The following GPC5 variants were observed in gnomAD, a reference collection of about 807,000 sequenced individuals.
The protein encoded by GPC5 is glypican 5, also known as glypican-5.
A neutral mutation model predicts 53.9 loss-of-function variants in GPC5; 47 were observed. The ratio of observed to expected loss-of-function variants is 0.87; its 90% confidence interval spans 0.69 to 1.11. GPC5 has a LOEUF of 1.11. Ranked by LOEUF, GPC5 falls within the 50% of genes most tolerant of loss-of-function variation. The pLI is 0.00. For synonymous variants in GPC5, 286 were observed against 263.3 expected (o/e 1.09, Z -0.84); for missense variants, 748 against 713.1 (o/e 1.05, Z -0.56).
chr13:91,465,641 T>A (rs1394318984), intron 2 of GPC5, among the ~76,000 whole-genome samples: 1 of 152,200 alleles, frequency 6.6e-6, no homozygotes, highest in African/African-American at 2.4e-5. Flanking sequence ...TTCCATTTAA[T>A]TGGTGGTTTT....
Position 91,399,067 on chromosome 13 carries a change from C to T in GPC5, c.21C>T (p.Pro7=). The change falls in exon 1 of 8, where the codon CCC becomes CCT. Residue 7 remains proline (P), a synonymous_variant. Coordinates refer to ENST00000377067, the MANE Select transcript of GPC5 (RefSeq NM_004466.6). ...CGAGGATGGACGCACAGACCTGGCC[C>T]GTGGGCTTTCGCTGCCTCCTCCTTC... MDAQTW[P]VGFRCLLLLA... 6.4e-7 allele frequency: 1 copy of T among 1,568,024 alleles called. No individual in the cohort carries two copies. The highest frequency in any genetic ancestry group is 8.6e-7 in the Non-Finnish European group (1 of 1,156,812).
chr13:92,545,576 C>G (rs562236276), intron 7 of GPC5, among the ~76,000 whole-genome samples: 74 of 152,280 alleles, frequency 4.9e-4, no homozygotes, highest in African/African-American at 1.8e-3. Flanking sequence ...TCCTCTCCAG[C>G]ACCTGTTGTT....
intron 2 of GPC5, among the ~76,000 whole-genome samples, chr13:91,602,350 G>T (rs1378080036): frequency 1.3e-5 from 2 of 152,166 alleles, no homozygotes; most frequent in African/African-American, 4.8e-5. Context: ...ATTCATCTTT[G>T]CAAGATAATA....
At chr13:91,781,383 T>C (rs1448750814) in intron 5 of GPC5, among the ~76,000 whole-genome samples, 3 of 152,232 alleles carry the variant, frequency 2.0e-5, no homozygotes, top group Admixed American at 6.5e-5. Flanking sequence ...TTGCATTTTA[T>C]AGAAAAGATG....
intron 7 of GPC5, among the ~76,000 whole-genome samples, chr13:92,516,855 G>A (rs1190343745): frequency 6.6e-6 from 1 of 152,148 alleles, no homozygotes; most frequent in Non-Finnish European, 1.5e-5. Context: ...GCAGCCCACT[G>A]AGTGTGAGCC....
intron 6 of GPC5, among the ~76,000 whole-genome samples, chr13:92,020,444 G>A (rs1311071357): frequency 6.6e-6 from 1 of 151,926 alleles, no homozygotes; most frequent in Non-Finnish European, 1.5e-5. Flanking sequence ...CCAACAGTGT[G>A]CAACAGTTTC....
intron 2 of GPC5, among the ~76,000 whole-genome samples, chr13:91,473,118 T>G (rs1882729664): frequency 6.6e-6 from 1 of 152,122 alleles, no homozygotes; most frequent in Non-Finnish European, 1.5e-5. Flanking sequence ...AAGGAGGAAC[T>G]GTTAAACACT....
At chr13:92,104,231 T>TA (rs2041489752) in intron 6 of GPC5, among the ~76,000 whole-genome samples, 1 of 152,124 alleles carries the variant, frequency 6.6e-6, no homozygotes, top group Non-Finnish European at 1.5e-5. Context: ...TGTGAGTTTT[T>TA]ACTGTGATTT....
At chr13:91,573,372 C>T (rs988542700) in intron 2 of GPC5, among the ~76,000 whole-genome samples, 4 of 152,146 alleles carry the variant, frequency 2.6e-5, no homozygotes, top group African/African-American at 4.8e-5. Flanking sequence ...TGCTGAGAAT[C>T]GATCATTTCT....
chr13:91,863,602 C>T (rs1400308633), intron 5 of GPC5, among the ~76,000 whole-genome samples: 1 of 152,124 alleles, frequency 6.6e-6, no homozygotes, highest in Non-Finnish European at 1.5e-5. Context: ...ATACCATCAA[C>T]TACATAGTTG....
At chr13:92,145,418 A>C (rs9516018) in intron 7 of GPC5, among the ~76,000 whole-genome samples, 17,864 of 152,084 alleles carry the variant, frequency 0.12, 1,169 homozygotes, top group Non-Finnish European at 0.13. Context: ...AATTGCATAG[A>C]AATTGGTATA....
At chr13:92,254,215 A>G (rs2042711508) in intron 7 of GPC5, among the ~76,000 whole-genome samples, 1 of 152,154 alleles carries the variant, frequency 6.6e-6, no homozygotes, top group Non-Finnish European at 1.5e-5. Context: ...TGGAAGCCAA[A>G]GAGCATGGGA....
chr13:91,689,531 A>G (rs988824623), intron 2 of GPC5, among the ~76,000 whole-genome samples: 2 of 151,324 alleles, frequency 1.3e-5, no homozygotes, highest in Non-Finnish European at 2.9e-5. Context: ...TTTTTGTAGT[A>G]ACATTTAGCT....
At chr13:92,418,407 T>G (rs1876412532) in intron 7 of GPC5, among the ~76,000 whole-genome samples, 1 of 152,158 alleles carries the variant, frequency 6.6e-6, no homozygotes, top group African/African-American at 2.4e-5. Flanking sequence ...TGAGGTTTAA[T>G]AAGATTTGGA....
intron 7 of GPC5, among the ~76,000 whole-genome samples, chr13:92,410,941 A>G (rs901020226): frequency 6.6e-6 from 1 of 152,214 alleles, no homozygotes; most frequent in African/African-American, 2.4e-5. Flanking sequence ...TTCTTAACAA[A>G]AGATTACTTG....
At chr13:91,646,197 G>A (rs1258372640) in intron 2 of GPC5, among the ~76,000 whole-genome samples, 1 of 152,036 alleles carries the variant, frequency 6.6e-6, no homozygotes, top group African/African-American at 2.4e-5. Context: ...TTGAAGCAAA[G>A]TACCCTAAAA....
intron 6 of GPC5, among the ~76,000 whole-genome samples, chr13:91,938,518 C>T (rs1299164994): frequency 1.3e-5 from 2 of 152,068 alleles, no homozygotes; most frequent in African/African-American, 4.8e-5. Context: ...AACCATATCA[C>T]TAAGATTGAT....
At chr13:91,918,042 A>G (rs1266215356) in intron 6 of GPC5, among the ~76,000 whole-genome samples, 1 of 152,188 alleles carries the variant, frequency 6.6e-6, no homozygotes, top group Non-Finnish European at 1.5e-5. Flanking sequence ...GGTAATTTAT[A>G]AAGAAAAGAT....
chr13:92,818,653 G>A (rs561227605), intron 7 of GPC5, among the ~76,000 whole-genome samples: 103 of 151,958 alleles, frequency 6.8e-4, no homozygotes, highest in African/African-American at 2.5e-3. Context: ...TTAATCAGAT[G>A]GACTCATGCC....
Sources: gnomAD v4.1 joint callset for allele counts (sites outside exome capture counted in the v4.1 genomes callset) on GRCh38, gnomAD v4.1.1 for gene constraint, MANE v1.5 for transcripts, NCBI Gene and HGNC (gene_info 2026-07-23, HGNC 2026-07-21) for gene names.